The following CYP7B1 variants were observed in gnomAD, a reference collection of about 807,000 sequenced individuals.
The protein encoded by CYP7B1 is cytochrome P450 family 7 subfamily B member 1.
In CYP7B1, 29 loss-of-function variants were observed where a neutral mutation model predicts 42.7. The ratio of observed to expected loss-of-function variants is 0.68; its 90% CI spans 0.51 to 0.93. The LOEUF is 0.93. Ranked by LOEUF, CYP7B1 falls within the 40% of genes least tolerant of loss-of-function variation. The pLI, the probability that CYP7B1 is intolerant of heterozygous loss-of-function variation, is 0.00. For missense variants in CYP7B1, 655 were observed against 600.5 expected (o/e 1.09, Z -0.95); for synonymous variants, 235 against 218.2 (o/e 1.08, Z -0.68).
chr8:64,781,300 T>C (rs1156948199), intron 1 of CYP7B1, among the ~76,000 whole-genome samples: 5 of 152,148 alleles, frequency 3.3e-5, no homozygotes, highest in Non-Finnish European at 7.4e-5. Context: ...ATGGGGAATA[T>C]GGCCATTACA....
intron 4 of CYP7B1, 43 bp downstream of exon 4, chr8:64,614,983 G>A (rs1180228289): frequency 1.2e-6 from 2 of 1,602,588 alleles, no homozygotes; most frequent in Non-Finnish European, 1.7e-6. Context: ...CGAGTTTGCA[G>A]AGAGGTACCT....
At chr8:64,677,438 C>CAAA (rs148821778) in intron 1 of CYP7B1, among the ~76,000 whole-genome samples, 6 of 87,300 alleles carry the variant, frequency 6.9e-5, no homozygotes, top group East Asian at 3.6e-4. Flanking sequence ...ATTTAGGAGC[C>CAAA]AAAAAAAAAA....
intron 1 of CYP7B1, among the ~76,000 whole-genome samples, chr8:64,724,810 T>C (rs1807297839): frequency 6.6e-6 from 1 of 152,166 alleles, no homozygotes; most frequent in Non-Finnish European, 1.5e-5. Flanking sequence ...TCCCTGGCTC[T>C]CTCTTAAGGT....
chr8:64,631,214 C>T (rs1805690504), intron 1 of CYP7B1, among the ~76,000 whole-genome samples: 1 of 151,852 alleles, frequency 6.6e-6, no homozygotes, highest in Non-Finnish European at 1.5e-5. Context: ...CAATTGAATC[C>T]AACAATGTAT....
chr8:64,596,831 A>T lies in CYP7B1; in HGVS notation c.1332T>A (p.Thr444=). 3 of 1,614,138 alleles carry T rather than the reference A, an allele frequency of 1.9e-6. No individual in the cohort carries two copies. The highest frequency in any genetic ancestry group is 2.5e-6 in the Non-Finnish European group (3 of 1,179,990). The change falls in exon 6 of 6, where the codon ACT becomes ACA. Residue 444 remains threonine, a synonymous_variant. Transcript: ENST00000310193. Reference sequence around the variant, plus strand: ...ATCGGCCTGGACATTTGCTGGTTCCAGTTCCAAACGGCATTAGGTAACACT... The same window carrying T: ...ATCGGCCTGGACATTTGCTGGTTCCTGTTCCAAACGGCATTAGGTAACACT... ...KLKCYLMPFG[T]GTSKCPGRFF...
intron 1 of CYP7B1, among the ~76,000 whole-genome samples, chr8:64,707,118 C>A (rs1030636544): frequency 6.6e-6 from 1 of 151,958 alleles, no homozygotes; most frequent in Non-Finnish European, 1.5e-5. Context: ...TATGCGTATG[C>A]AAAACAAGCC....
intron 1 of CYP7B1, among the ~76,000 whole-genome samples, chr8:64,741,666 C>A (rs1325255775): frequency 6.6e-6 from 1 of 152,066 alleles, no homozygotes; most frequent in Admixed American, 6.5e-5. Flanking sequence ...TTATAGGATA[C>A]AAGGTTAATA....
chr8:64,776,063 GA>G (rs1262024018), intron 1 of CYP7B1, among the ~76,000 whole-genome samples: 4 of 152,122 alleles, frequency 2.6e-5, no homozygotes, highest in African/African-American at 9.7e-5. Flanking sequence ...TTTCAATAAG[GA>G]GATGTATTCT....
intron 1 of CYP7B1, among the ~76,000 whole-genome samples, chr8:64,672,204 T>G (rs1228022385): frequency 6.6e-6 from 1 of 152,192 alleles, no homozygotes; most frequent in African/African-American, 2.4e-5. Flanking sequence ...AAGCTGAGTT[T>G]AAGACCTTAA....
At chr8:64,757,312 C>T (rs560719551) in intron 1 of CYP7B1, among the ~76,000 whole-genome samples, 54 of 152,292 alleles carry the variant, frequency 3.5e-4, no homozygotes, top group African/African-American at 1.3e-3. Flanking sequence ...TGAATGAGAT[C>T]ATGAACTTAG....
intron 1 of CYP7B1, among the ~76,000 whole-genome samples, chr8:64,753,898 A>G (rs968601030): frequency 6.6e-6 from 1 of 152,228 alleles, no homozygotes; most frequent in African/African-American, 2.4e-5. Context: ...CCAGCTCACC[A>G]TGTCCATGCA....
intron 1 of CYP7B1, among the ~76,000 whole-genome samples, chr8:64,730,442 C>A (rs889282953): frequency 1.3e-5 from 2 of 151,988 alleles, no homozygotes; most frequent in African/African-American, 4.8e-5. Flanking sequence ...CACTGAGAGA[C>A]AAGAAGGCAA....
rs1020204515 is a variant in CYP7B1 at position 64,798,689 on chromosome 8, A to T, written c.-102T>A. On this transcript the variant is annotated 5_prime_UTR_variant, in exon 1 of 6. Transcript: ENST00000310193. Reference sequence around the variant, plus strand: ...GCGGCTTCTCTCGGCGGCGCCCCCTAGTCCAGGGCCGGAGAGGCTGGCCTG... The same window carrying T: ...GCGGCTTCTCTCGGCGGCGCCCCCTTGTCCAGGGCCGGAGAGGCTGGCCTG... The T allele has an allele frequency of 9.2e-6, 12 of 1,303,582 alleles. No individual in the cohort carries two copies. The highest frequency in any genetic ancestry group is 7.9e-5 in the African/African-American group (5 of 63,406). 80.8% of individuals were successfully genotyped at this position (1,303,582 alleles called of 1,614,324 possible).
chr8:64,750,209 G>A (rs1426298849), intron 1 of CYP7B1, among the ~76,000 whole-genome samples: 3 of 152,108 alleles, frequency 2.0e-5, no homozygotes, highest in Non-Finnish European at 4.4e-5. Context: ...TAAGAGTAAA[G>A]TTTCAGGTCC....
At chr8:64,792,268 A>C (rs566365208) in intron 1 of CYP7B1, among the ~76,000 whole-genome samples, 1 of 152,338 alleles carries the variant, frequency 6.6e-6, no homozygotes, top group African/African-American at 2.4e-5. Flanking sequence ...TGTGAAAGGA[A>C]AGAGAGAGAT....
chr8:64,658,764 G>C, intron 1 of CYP7B1, among the ~76,000 whole-genome samples: 1 of 152,132 alleles, frequency 6.6e-6, no homozygotes, highest in East Asian at 1.9e-4. Context: ...CATTCCCAGG[G>C]TCAGTGGTCT....
At chr8:64,695,599 A>G (rs1806812389) in intron 1 of CYP7B1, among the ~76,000 whole-genome samples, 1 of 131,012 alleles carries the variant, frequency 7.6e-6, no homozygotes, top group African/African-American at 3.0e-5. Context: ...ATGTTATCAA[A>G]TTCCTTTTTT....
chr8:64,722,932 A>G (rs1807268466), intron 1 of CYP7B1, among the ~76,000 whole-genome samples: 1 of 152,164 alleles, frequency 6.6e-6, no homozygotes, highest in Non-Finnish European at 1.5e-5. Context: ...AACAAAGCCC[A>G]CATTCAAATC....
intron 1 of CYP7B1, among the ~76,000 whole-genome samples, chr8:64,712,662 A>C (rs1807098524): frequency 6.6e-6 from 1 of 151,340 alleles, no homozygotes; most frequent in South Asian, 2.1e-4. Flanking sequence ...ATATATGTAT[A>C]TATGCATACT....
Sources: allele counts gnomAD v4.1 joint callset (sites outside exome capture counted in the v4.1 genomes callset), GRCh38; gene constraint gnomAD v4.1.1; transcripts MANE v1.5; gene names NCBI Gene and HGNC (gene_info 2026-07-23, HGNC 2026-07-21).